The following SLC6A17 variants were observed in gnomAD, a reference collection of about 807,000 sequenced individuals.
The protein encoded by SLC6A17 is solute carrier family 6 member 17.
Under a neutral mutation model 64.5 loss-of-function variants are expected in SLC6A17, and 21 were observed. The ratio of observed to expected loss-of-function variants is 0.33; its 90% CI spans 0.23 to 0.47. SLC6A17 has a LOEUF of 0.47. SLC6A17 is among the 20% of genes least tolerant of loss of function. SLC6A17 has a pLI of 1.00. For synonymous variants in SLC6A17, 372 were observed against 399.5 expected (o/e 0.93, Z 0.82); for missense variants, 682 against 963.2 (o/e 0.71, Z 3.86).
chr1:110,196,677 T>C (rs1384544043), intron 10 of SLC6A17, among the ~76,000 whole-genome samples: 3 of 152,196 alleles, frequency 2.0e-5, no homozygotes, highest in Admixed American at 6.5e-5. Context: ...AATAGCAAAA[T>C]ATCATTTAAA....
At chr1:110,180,602 T>G (rs1265143101) in intron 6 of SLC6A17, among the ~76,000 whole-genome samples, 1 of 152,126 alleles carries the variant, frequency 6.6e-6, no homozygotes, top group Non-Finnish European at 1.5e-5. Context: ...AACAATGGCC[T>G]GACAGTCTAT....
chr1:110,181,732 G>A (rs1384441259), intron 6 of SLC6A17, among the ~76,000 whole-genome samples: 1 of 152,216 alleles, frequency 6.6e-6, no homozygotes, highest in African/African-American at 2.4e-5. Context: ...AGGAGGCCAG[G>A]GAGCAGGCTA....
At chr1:110,178,089 T>C (rs1656417858) in intron 6 of SLC6A17, 1 of 152,238 alleles carries the variant, frequency 6.6e-6, no homozygotes, top group South Asian at 2.1e-4. Flanking sequence ...ACCTGGTTTC[T>C]TTGGGAGAAA....
chr1:110,192,135 C>T lies in SLC6A17; in HGVS notation c.1028C>T (p.Thr343Met), dbSNP rs374522628. The part of the protein sequence containing the change: ...AALVSFINFF[T>M]SVLATLVVFA... ...CTGGTGTCCTTCATCAACTTCTTCA[C>T]GTCAGTGTTGGCCACCCTCGTGGTG... Residue 343 changes from threonine to methionine, a missense_variant, in exon 7 of 12, where the codon ACG (threonine) becomes ATG (methionine). By Grantham distance (81) the Thr-to-Met change is moderately conservative (BLOSUM62 -1). Around this residue, in one of 3 missense-constraint regions of SLC6A17, gnomAD observed 415 missense variants for 603.8 expected, o/e 0.69. Transcript: ENST00000331565. This position sits in a 1 kb window ranked among gnomAD's most constrained non-coding sequence, Gnocchi z 4.3. The T allele has an allele frequency of 6.2e-7, 1 of 1,614,186 alleles. No homozygotes were observed. The highest frequency in any genetic ancestry group is 8.5e-7 in the Non-Finnish European group (1 of 1,180,030).
chr1:110,167,953 C>T lies in SLC6A17; in HGVS notation c.286+738C>T, dbSNP rs75131296. Among the ~76,000 whole-genome samples, 1,176 of 152,216 alleles carry T rather than the reference C, an allele frequency of 7.7e-3. 22 individuals are homozygous for T. Among genetic ancestry groups the T allele is most frequent in the African/African-American group, 0.026 (1,088 of 41,528 alleles). On this transcript the variant is annotated intron_variant, in intron 2 of 11. Coordinates refer to ENST00000331565, the MANE Select transcript of SLC6A17 (RefSeq NM_001010898.4). ...ACTTAGCCTCCACACCTATTGCTTCCGGGTAGGAGGGGCCTTCACACTGCC... is the reference window on the plus strand; with the variant it reads ...ACTTAGCCTCCACACCTATTGCTTCTGGGTAGGAGGGGCCTTCACACTGCC...
intron 6 of SLC6A17, among the ~76,000 whole-genome samples, chr1:110,190,142 T>G (rs562105014): frequency 5.3e-5 from 8 of 152,278 alleles, no homozygotes; most frequent in African/African-American, 1.9e-4. Flanking sequence ...CCTTGACACC[T>G]TATACCTAAT....
intron 1 of SLC6A17, among the ~76,000 whole-genome samples, chr1:110,162,699 G>A (rs138309738): frequency 2.0e-5 from 3 of 152,328 alleles, no homozygotes; most frequent in Non-Finnish European, 4.4e-5. Context: ...ACCAGCACAT[G>A]GCTTCAGGGA....
chr1:110,180,041 A>C (rs1429193513), intron 6 of SLC6A17, among the ~76,000 whole-genome samples: 3 of 152,156 alleles, frequency 2.0e-5, no homozygotes, highest in Non-Finnish European at 4.4e-5. Context: ...TGAGTCTAAG[A>C]GTTAGATACC....
intron 1 of SLC6A17, among the ~76,000 whole-genome samples, chr1:110,151,108 C>G (rs1163354068): frequency 6.6e-6 from 1 of 152,244 alleles, no homozygotes; most frequent in Non-Finnish European, 1.5e-5. Flanking sequence ...ATCGGGGTCC[C>G]CAGCGGCGTA....
At chr1:110,171,906 A>G (rs965604263) in intron 2 of SLC6A17, among the ~76,000 whole-genome samples, 154 bp from the exon 3 acceptor site, 3 of 152,066 alleles carry the variant, frequency 2.0e-5, no homozygotes, top group African/African-American at 7.2e-5. Flanking sequence ...GGCCACACGT[A>G]TGGCCACATC....
chr1:110,183,714 A>C (rs982957523), intron 6 of SLC6A17, among the ~76,000 whole-genome samples: 1 of 152,226 alleles, frequency 6.6e-6, no homozygotes, highest in African/African-American at 2.4e-5. Context: ...GACCACACAC[A>C]GTCCCCATAG....
At chr1:110,155,198 C>T (rs1655724296) in intron 1 of SLC6A17, among the ~76,000 whole-genome samples, 1 of 152,176 alleles carries the variant, frequency 6.6e-6, no homozygotes, top group Non-Finnish European at 1.5e-5. Context: ...AAAAGGACTT[C>T]CCAGAAACCC....
rs969955778 is a variant in SLC6A17, at chr1:110,200,524, G to A, written c.*2080G>A. 2 of 159,186 alleles carry A rather than the reference G, an allele frequency of 1.3e-5. No homozygotes were observed. The highest frequency in any genetic ancestry group is 6.5e-5 in the Admixed American group (1 of 15,478). 9.9% of individuals were successfully genotyped at this position (159,186 alleles called of 1,614,324 possible). On this transcript the variant is annotated 3_prime_UTR_variant, in exon 12 of 12. Transcript: ENST00000331565. ...GTATATTCACTCTGTACATGTGGGT[G>A]TAAATGCTGTTAAATGACAAACCCA...
Position 110,198,023 on chromosome 1 carries a change from C to T in SLC6A17, c.1816-53C>T, listed in dbSNP as rs192874891. The T allele has an allele frequency of 2.6e-4, 405 of 1,557,196 alleles. 3 individuals carry two copies. Among genetic ancestry groups the T allele is most frequent in the Admixed American group, 2.5e-3 (142 of 56,752 alleles). On this transcript the variant is annotated intron_variant, in intron 11 of 11. Transcript: ENST00000331565. ...GGAGAGCAGTCTTGGAGGGCCTGGG[C>T]GGGGAGGGCTGTCACAGTGCCGGCA...
chr1:110,197,653 A>G (rs1286721290), intron 11 of SLC6A17, 54 bp downstream of exon 11: 2 of 1,512,440 alleles, frequency 1.3e-6, no homozygotes, highest in Non-Finnish European at 1.8e-6. Flanking sequence ...CAGGCCTTGA[A>G]TGCAACCACT....
intron 6 of SLC6A17, among the ~76,000 whole-genome samples, chr1:110,187,743 A>C (rs1335691423): frequency 6.6e-6 from 1 of 152,234 alleles, no homozygotes; most frequent in Non-Finnish European, 1.5e-5. Flanking sequence ...ATACCAGAGG[A>C]GGCCAGCCAG....
Position 110,202,119 on chromosome 1 carries a change from G to A in SLC6A17, c.*3675G>A, listed in dbSNP as rs971750370. 2.6e-5 allele frequency: 4 copies of A among 152,380 alleles called. No homozygotes were observed. The East Asian group carries it at 7.7e-4, about 29-fold the overall frequency. 9.4% of individuals were successfully genotyped at this position (152,380 alleles called of 1,614,324 possible). On this transcript the variant is annotated 3_prime_UTR_variant, in exon 12 of 12. Coordinates refer to ENST00000331565, the MANE Select transcript of SLC6A17 (RefSeq NM_001010898.4). ...CTGGGTCAAAACCACTCAGCCCAGG[G>A]GAGGGGATGAGGCATTGTCACCCTA... is the stretch of plus-strand genomic sequence containing the variant.
intron 6 of SLC6A17, among the ~76,000 whole-genome samples, chr1:110,184,637 CTG>C (rs1656630225): frequency 6.6e-6 from 1 of 152,144 alleles, no homozygotes; most frequent in Non-Finnish European, 1.5e-5. Context: ...CTCTGGGACT[CTG>C]TGGGTTCCCA....
intron 1 of SLC6A17, among the ~76,000 whole-genome samples, chr1:110,166,521 A>G (rs1656059531): frequency 6.6e-6 from 1 of 152,128 alleles, no homozygotes; most frequent in South Asian, 2.1e-4. Flanking sequence ...GGGCTTGAGC[A>G]CTCTAAGCTC....
Sources: allele counts gnomAD v4.1 joint callset (sites outside exome capture counted in the v4.1 genomes callset), GRCh38; gene constraint gnomAD v4.1.1; regional missense constraint gnomAD v4.1.1; non-coding constraint Gnocchi (gnomAD v3.1); transcripts MANE v1.5; gene names NCBI Gene and HGNC (gene_info 2026-07-23, HGNC 2026-07-21).